Variants in ROBO2 observed in about 807,000 individuals in gnomAD.
ROBO2 encodes roundabout guidance receptor 2.
A neutral mutation model predicts 160.8 loss-of-function variants in ROBO2; 53 were observed. That is an observed-to-expected ratio of 0.33 (90% confidence interval 0.26 to 0.41). The LOEUF (loss-of-function observed/expected upper bound fraction) is 0.41. Ranked by LOEUF, ROBO2 falls within the 10% of genes least tolerant of loss-of-function variation. The pLI is 1.00. For missense variants in ROBO2, 1,577 were observed against 1,722.4 expected, an observed-to-expected ratio of 0.92 and a Z score of 1.49; for synonymous variants, 664 against 611.7, an observed-to-expected ratio of 1.09 and a Z score of -1.26.
chr3:76,385,167 G>A (rs2076824328), intron 2 of ROBO2, among the ~76,000 whole-genome samples: 1 of 151,890 alleles, frequency 6.6e-6, no homozygotes, highest in Non-Finnish European at 1.5e-5. Flanking sequence ...GCTAACTTTT[G>A]TAATTTTTAT....
intron 6 of ROBO2, among the ~76,000 whole-genome samples, chr3:77,539,769 T>C (rs2092369457): frequency 6.6e-6 from 1 of 152,064 alleles, no homozygotes; most frequent in Non-Finnish European, 1.5e-5. Context: ...AAGTCAGACA[T>C]ATAGGCTGGG....
intron 2 of ROBO2, among the ~76,000 whole-genome samples, chr3:76,544,949 C>T (rs2083014075): frequency 6.6e-6 from 1 of 151,982 alleles, no homozygotes; most frequent in South Asian, 2.1e-4. Context: ...CGCAATTGCA[C>T]AAGTCCATGG....
intron 1 of ROBO2, among the ~76,000 whole-genome samples, chr3:77,065,135 A>C (rs1367837022): frequency 6.6e-6 from 1 of 152,212 alleles, no homozygotes; most frequent in Non-Finnish European, 1.5e-5. Flanking sequence ...TAATAATCAC[A>C]ATAATGTTTA....
intron 2 of ROBO2, among the ~76,000 whole-genome samples, chr3:76,772,753 G>C (rs1201862321): frequency 6.6e-6 from 1 of 150,920 alleles, no homozygotes; most frequent in African/African-American, 2.4e-5. Flanking sequence ...AAATCATGTG[G>C]ATGATTTGTA....
chr3:76,798,247 A>AAGAAAGAAG (rs1246730951), intron 2 of ROBO2, among the ~76,000 whole-genome samples: 5 of 122,172 alleles, frequency 4.1e-5, no homozygotes, highest in East Asian at 4.9e-4. Flanking sequence ...GAAAAAAAGA[A>AAGAAAGAAG]GAAAGAAAGA....
intron 2 of ROBO2, among the ~76,000 whole-genome samples, chr3:76,719,606 G>A (rs1462998312): frequency 2.0e-5 from 3 of 152,182 alleles, no homozygotes; most frequent in Admixed American, 6.5e-5. Flanking sequence ...CAATAAGGCC[G>A]GGTGTGGTGG....
chr3:77,239,492 C>T (rs939639422), intron 2 of ROBO2, among the ~76,000 whole-genome samples: 3 of 152,192 alleles, frequency 2.0e-5, no homozygotes, highest in Admixed American at 6.5e-5. Context: ...AAAGCTTCCA[C>T]ACTGTGGAAA....
At chr3:77,641,443 C>T (rs1559788004) in intron 24 of ROBO2, among the ~76,000 whole-genome samples, 1 of 152,156 alleles carries the variant, frequency 6.6e-6, no homozygotes, top group Non-Finnish European at 1.5e-5. Flanking sequence ...GTTAAGGAAG[C>T]TATCTTTTGT....
chr3:76,591,517 T>C (rs113835436), intron 2 of ROBO2, among the ~76,000 whole-genome samples: 2 of 152,270 alleles, frequency 1.3e-5, no homozygotes, highest in African/African-American at 4.8e-5. Context: ...AATAAAGATA[T>C]ATATTTTTCC....
At chr3:77,570,010 A>G (rs536094578) in intron 13 of ROBO2, among the ~76,000 whole-genome samples, 34 of 152,032 alleles carry the variant, frequency 2.2e-4, no homozygotes, top group African/African-American at 8.0e-4. Context: ...TATTATTTTT[A>G]CAGTGGCACA....
At chr3:75,965,715 C>T (rs1312569456) in intron 2 of ROBO2, among the ~76,000 whole-genome samples, 6 of 151,554 alleles carry the variant, frequency 4.0e-5, no homozygotes, top group Admixed American at 1.3e-4. Context: ...AAAATATCTT[C>T]GAACATCCAT....
At chr3:76,273,010 ATATAT>A (rs1322346051) in intron 2 of ROBO2, among the ~76,000 whole-genome samples, 23 of 91,326 alleles carry the variant, frequency 2.5e-4, no homozygotes, top group African/African-American at 6.5e-4. Flanking sequence ...ATATATAAAA[ATATAT>A]TATATATAAT....
intron 2 of ROBO2, among the ~76,000 whole-genome samples, chr3:76,292,047 A>C (rs1226577614): frequency 6.6e-6 from 1 of 152,090 alleles, no homozygotes; most frequent in Admixed American, 6.5e-5. Flanking sequence ...GTGTCTATTC[A>C]GGTCCCAAAT....
At chr3:76,648,042 G>A (rs1054485239) in intron 2 of ROBO2, among the ~76,000 whole-genome samples, 2 of 151,784 alleles carry the variant, frequency 1.3e-5, no homozygotes, top group Admixed American at 6.6e-5. Context: ...TTAAATTCTC[G>A]TATTATTTTT....
At chr3:76,652,119 A>G (rs1476363268) in intron 2 of ROBO2, among the ~76,000 whole-genome samples, 1 of 152,210 alleles carries the variant, frequency 6.6e-6, no homozygotes, top group Non-Finnish European at 1.5e-5. Context: ...CATTAGTAAA[A>G]GACTATGCTC....
chr3:76,079,729 G>T (rs550911938), intron 2 of ROBO2, among the ~76,000 whole-genome samples: 4 of 151,946 alleles, frequency 2.6e-5, no homozygotes, highest in African/African-American at 7.2e-5. Flanking sequence ...CAGGCAATCC[G>T]TCTGCCTTGG....
At chr3:76,938,622 C>G (rs2077912814) in intron 2 of ROBO2, among the ~76,000 whole-genome samples, 1 of 152,080 alleles carries the variant, frequency 6.6e-6, no homozygotes, top group Non-Finnish European at 1.5e-5. Flanking sequence ...TCCTCTGGGT[C>G]TTGTTCAGAA....
intron 2 of ROBO2, among the ~76,000 whole-genome samples, chr3:77,430,019 A>G (rs1411653635): frequency 6.6e-6 from 1 of 152,146 alleles, no homozygotes; most frequent in Non-Finnish European, 1.5e-5. Flanking sequence ...GATATGTTTC[A>G]TATAATCCTA....
intron 1 of ROBO2, among the ~76,000 whole-genome samples, chr3:77,050,172 A>G (rs2065074886): frequency 6.6e-6 from 1 of 152,198 alleles, no homozygotes; most frequent in Non-Finnish European, 1.5e-5. Context: ...GCACTCTTGT[A>G]TTTTATATCT....
Sources: gnomAD v4.1 joint callset for allele counts (sites outside exome capture counted in the v4.1 genomes callset) on GRCh38, gnomAD v4.1.1 for gene constraint, MANE v1.5 for transcripts, NCBI Gene and HGNC (gene_info 2026-07-23, HGNC 2026-07-21) for gene names.